The following KLHL1 variants were observed in gnomAD, a reference collection of about 807,000 sequenced individuals.
The protein encoded by KLHL1 is kelch like family member 1, also known as kelch-like protein 1.
Under a neutral mutation model 77.7 loss-of-function variants are expected in KLHL1, and 47 were observed. That is an observed-to-expected ratio of 0.60 (90% CI 0.48 to 0.77). The LOEUF (loss-of-function observed/expected upper bound fraction) is 0.77, where lower values mean the gene tolerates loss of function less well. Among genes scored for constraint, KLHL1 ranks in the 30% least tolerant of loss-of-function variants. KLHL1 has a pLI of 0.00. For synonymous variants in KLHL1, 360 were observed against 325.2 expected (o/e 1.11, Z -1.15); for missense variants, 925 against 910.8 (o/e 1.02, Z -0.20).
chr13:69,786,472 A>ACTC (rs895676068), intron 7 of KLHL1, among the ~76,000 whole-genome samples: 30 of 152,130 alleles, frequency 2.0e-4, no homozygotes, highest in African/African-American at 6.7e-4. Flanking sequence ...CATGCTAAAA[A>ACTC]CTCTCAATAA....
chr13:69,945,462 G>GA (rs58910588), intron 3 of KLHL1, among the ~76,000 whole-genome samples: 57 of 106,524 alleles, frequency 5.4e-4, no homozygotes, highest in South Asian at 2.0e-3. Flanking sequence ...TTAAAAGAAA[G>GA]AAAAAAAAAA....
chr13:69,769,159 A>T lies in KLHL1; in HGVS notation c.1639+27579T>A, dbSNP rs1593811565. On this transcript the variant is annotated intron_variant, in intron 7 of 10. Transcript: ENST00000377844. Reference sequence around the variant, plus strand: ...TGTCATTGCACAGGGTTGTAAGTCAAGGAAGACTTTAGCAAGGAAATGACA... The same window carrying T: ...TGTCATTGCACAGGGTTGTAAGTCATGGAAGACTTTAGCAAGGAAATGACA... Among the ~76,000 whole-genome samples the T allele has an allele frequency of 2.0e-5, 3 of 152,330 alleles. No individual in the cohort carries two copies. In the East Asian group the frequency reaches 5.8e-4, roughly 29 times the overall value.
Position 70,108,350 on chromosome 13 carries a change from T to A in KLHL1, c.-651A>T. ...CTTTCTGCAATGCCAGAAGAGGTGG[T>A]TTTATATAGTCAGTTTGTAAAAGAG... is the stretch of plus-strand genomic sequence containing the variant. On this transcript the variant is annotated 5_prime_UTR_variant, in exon 1 of 11. Coordinates refer to ENST00000377844, the MANE Select transcript of KLHL1 (RefSeq NM_020866.3). 3.9e-6 allele frequency: 1 copy of A among 257,674 alleles called. No homozygotes were observed. The highest frequency in any genetic ancestry group is 7.2e-6 in the Non-Finnish European group (1 of 137,984). 16.0% of individuals were successfully genotyped at this position (257,674 alleles called of 1,614,324 possible).
chr13:69,896,515 T>TA (rs935676871), intron 4 of KLHL1, among the ~76,000 whole-genome samples: 22 of 152,052 alleles, frequency 1.4e-4, no homozygotes, highest in African/African-American at 3.6e-4. Flanking sequence ...TGCTTGTTAT[T>TA]AAAAAAATAG....
At chr13:69,782,782 A>C (rs1435525270) in intron 7 of KLHL1, among the ~76,000 whole-genome samples, 2 of 152,190 alleles carry the variant, frequency 1.3e-5, no homozygotes, top group Admixed American at 6.5e-5. Context: ...ACAGACTTAA[A>C]TGTCCCTGTC....
chr13:69,916,304 G>A (rs867019549), intron 4 of KLHL1, among the ~76,000 whole-genome samples: 265 of 151,892 alleles, frequency 1.7e-3, no homozygotes, highest in African/African-American at 5.8e-3. Flanking sequence ...TGTTTATTGT[G>A]GCACTATTCA....
intron 2 of KLHL1, among the ~76,000 whole-genome samples, chr13:69,974,935 GAACTCTAAA>G (rs1884499323): frequency 6.6e-6 from 1 of 151,928 alleles, no homozygotes; most frequent in African/African-American, 2.4e-5. Flanking sequence ...CTGACAGATT[GAACTCTAAA>G]TCACCTGCAG....
At chr13:69,924,729 G>A (rs77333700) in intron 4 of KLHL1, among the ~76,000 whole-genome samples, 2,134 of 152,292 alleles carry the variant, frequency 0.014, 30 homozygotes, top group Middle Eastern at 0.027. Flanking sequence ...AAGAAGGAGA[G>A]AAGAGCAGCC....
At chr13:69,771,786 G>A (rs1031747140) in intron 7 of KLHL1, among the ~76,000 whole-genome samples, 8 of 152,064 alleles carry the variant, frequency 5.3e-5, no homozygotes, top group African/African-American at 1.7e-4. Flanking sequence ...ATTTAATGAC[G>A]ATAATGGTGT....
intron 7 of KLHL1, among the ~76,000 whole-genome samples, chr13:69,779,791 A>G (rs1169178488): frequency 6.6e-6 from 1 of 151,486 alleles, no homozygotes; most frequent in Non-Finnish European, 1.5e-5. Flanking sequence ...TGCAAAATTT[A>G]TTTTTTATTT....
intron 7 of KLHL1, among the ~76,000 whole-genome samples, chr13:69,749,139 A>G (rs1874358664): frequency 6.6e-6 from 1 of 152,006 alleles, no homozygotes; most frequent in Admixed American, 6.6e-5. Context: ...GAATGGGCTC[A>G]TTAGGTAGGG....
At chr13:69,956,834 T>C (rs1883903873) in intron 3 of KLHL1, among the ~76,000 whole-genome samples, 1 of 151,678 alleles carries the variant, frequency 6.6e-6, no homozygotes, top group Non-Finnish European at 1.5e-5. Context: ...AAATATGAAA[T>C]ATGTAATTTT....
In KLHL1 at chr13:69,819,281, TCC is replaced by T. The variant is rs1203595989; in HGVS notation, c.1414+19693_1414+19694del. Among the ~76,000 whole-genome samples the T allele has an allele frequency of 9.2e-5, 14 of 152,296 alleles. No homozygotes were observed. The South Asian group carries it at 2.9e-3, about 32-fold the overall frequency. ...AAAGAGACAAATATCAGGGGTTTAA[TCC>T]TTAAAGTTATGTAATTTACTAATTT... On this transcript the variant is annotated intron_variant, in intron 6 of 10. Transcript: ENST00000377844.
At chr13:69,713,328 C>A (rs1419663489) in intron 9 of KLHL1, among the ~76,000 whole-genome samples, 1 of 152,048 alleles carries the variant, frequency 6.6e-6, no homozygotes, top group Non-Finnish European at 1.5e-5. Flanking sequence ...GTTAACATGT[C>A]TAATAAAAAT....
At chr13:69,794,506 CAGT>C (rs1877015504) in intron 7 of KLHL1, among the ~76,000 whole-genome samples, 1 of 131,634 alleles carries the variant, frequency 7.6e-6, no homozygotes. Context: ...AGGAAAGAAA[CAGT>C]AGAAAAAAAA....
chr13:69,837,776 A>T (rs1879086567), intron 6 of KLHL1, among the ~76,000 whole-genome samples: 1 of 150,542 alleles, frequency 6.6e-6, no homozygotes, highest in African/African-American at 2.4e-5. Flanking sequence ...ACTACCCCAG[A>T]TGGAAGACAT....
chr13:70,071,051 A>G (rs1887127036), intron 1 of KLHL1, among the ~76,000 whole-genome samples: 1 of 152,120 alleles, frequency 6.6e-6, no homozygotes, highest in Non-Finnish European at 1.5e-5. Flanking sequence ...TGGTAGGTAG[A>G]AATAAAATTA....
At chr13:69,861,965 C>CAAAATAAAATAAAATAAAATAAAAT (rs58892254) in intron 5 of KLHL1, among the ~76,000 whole-genome samples, 70 of 123,294 alleles carry the variant, frequency 5.7e-4, no homozygotes, top group Admixed American at 1.4e-3. Flanking sequence ...AACTCCGTCT[C>CAAAATAAAATAAAATAAAATAAAAT]AAAATAAAAT....
chr13:70,102,915 G>T (rs1887958373), intron 1 of KLHL1, among the ~76,000 whole-genome samples: 1 of 152,044 alleles, frequency 6.6e-6, no homozygotes, highest in African/African-American at 2.4e-5. Context: ...CCATGGTAAG[G>T]GTAGAATGAT....
Sources: allele counts gnomAD v4.1 joint callset (sites outside exome capture counted in the v4.1 genomes callset), GRCh38; gene constraint gnomAD v4.1.1; transcripts MANE v1.5; gene names NCBI Gene and HGNC (gene_info 2026-07-23, HGNC 2026-07-21).